MCM3AP: variants seen among roughly 807,000 people sequenced by gnomAD.
The protein encoded by MCM3AP is germinal-center associated nuclear protein.
In MCM3AP, 126 loss-of-function variants were observed where a neutral mutation model predicts 184.1. The observed-to-expected ratio is 0.68, with a 90% CI of 0.59 to 0.79. The LOEUF is 0.79. Among genes scored for constraint, MCM3AP ranks in the 30% least tolerant of loss-of-function variants. The pLI, the probability that MCM3AP is intolerant of heterozygous loss-of-function variation, is 0.00. For synonymous variants in MCM3AP, 1,002 were observed against 979.3 expected (o/e 1.02, Z -0.43); for missense variants, 2,496 against 2,479.2 (o/e 1.01, Z -0.14).
chr21:46,284,358 T>C lies in MCM3AP; in HGVS notation c.929A>G (p.Glu310Gly), dbSNP rs1206075101. 5 of 1,614,114 alleles carry C rather than the reference T, an allele frequency of 3.1e-6. No individual in the cohort carries two copies. In the Admixed American group the frequency reaches 6.7e-5, roughly 22 times the overall value. Reference protein sequence around the residue: ...SPRRHGHEPAEDSDPLSRGDH... With the variant: ...SPRRHGHEPAGDSDPLSRGDH... ...GCCCCGGGACAGAGGATCCGAATCT[T>C]CTGCTGGCTCGTGGCCATGTCTCCT... is the stretch of plus-strand genomic sequence containing the variant. The change falls in exon 1 of 28, where the codon GAA (glutamate) becomes GGA (glycine). Residue 310 changes from glutamate (E) to glycine (G), a missense_variant. Physicochemically the swap from Glu to Gly is moderately conservative, Grantham distance 98. Around this residue, in one of 5 missense-constraint regions of MCM3AP, gnomAD observed 800 missense variants for 717.1 expected, o/e 1.12. Transcript: ENST00000291688.
chr21:46,236,672 A>T (rs553608466), intron 27 of MCM3AP, among the ~76,000 whole-genome samples, 157 bp downstream of exon 27: 1 of 152,358 alleles, frequency 6.6e-6, no homozygotes, highest in Admixed American at 6.5e-5. Context: ...TCTCTTTAAC[A>T]ATGATATGGA....
At position 46,235,246 on chromosome 21, in the gene MCM3AP, C is replaced by T. The variant is rs2080497450; in HGVS notation, c.*22G>A. 6.2e-7 allele frequency: 1 copy of T among 1,612,092 alleles called. No homozygotes were observed. The highest frequency in any genetic ancestry group is 1.1e-5 in the South Asian group (1 of 90,952). ...AAACAGAAACTCTTCGGGAGAGACC[C>T]CCTCCCCACAGGTCAGGCTGCTCAA... is the stretch of plus-strand genomic sequence containing the variant. On this transcript the variant is annotated 3_prime_UTR_variant, in exon 28 of 28. Coordinates refer to ENST00000291688, the MANE Select transcript of MCM3AP (RefSeq NM_003906.5).
chr21:46,262,984 A>G (rs1275170465), intron 13 of MCM3AP, among the ~76,000 whole-genome samples: 1 of 149,670 alleles, frequency 6.7e-6, no homozygotes, highest in African/African-American at 2.5e-5. Context: ...AAAAAAAAAA[A>G]AAAAGAAATG....
At chr21:46,282,485 C>A (rs1240077585) in intron 2 of MCM3AP, among the ~76,000 whole-genome samples, 1 of 152,156 alleles carries the variant, frequency 6.6e-6, no homozygotes, top group African/African-American at 2.4e-5. Flanking sequence ...AAGCAGTCCA[C>A]GTTCACTGCA....
Position 46,259,031 on chromosome 21 carries a change from G to T in MCM3AP, c.3642C>A (p.Ala1214=), listed in dbSNP as rs1371517514. The T allele has an allele frequency of 6.2e-7, 1 of 1,614,060 alleles. No individual in the cohort carries two copies. Among genetic ancestry groups the T allele is most frequent in the South Asian group, 1.1e-5 (1 of 91,068 alleles). The change falls in exon 16 of 28, where the codon GCC becomes GCA. Residue 1214 remains alanine (A), a synonymous_variant. Coordinates refer to ENST00000291688, the MANE Select transcript of MCM3AP (RefSeq NM_003906.5). The part of the protein sequence containing the change: ...RVARCCEDVC[A]HLVDLFLVEE... ...CCACGAGAAACAAGTCCACTAAGTG[G>T]GCACAGACATCCTCACAGCAACGGG...
chr21:46,237,085 T>C, intron 26 of MCM3AP, 106 bp from the exon 27 acceptor site: 2 of 488,782 alleles, frequency 4.1e-6, no homozygotes, highest in African/African-American at 2.1e-5. Context: ...CTTTGCTTTT[T>C]TAAAATTTTA....
In MCM3AP at chr21:46,277,822, A is replaced by G. The variant is rs2081275470; in HGVS notation, c.1668-105T>C. The G allele has an allele frequency of 1.7e-5, 10 of 602,196 alleles. No homozygotes were observed. The South Asian group carries it at 2.5e-4, about 15-fold the overall frequency. 37.3% of individuals were successfully genotyped at this position (602,196 alleles called of 1,614,324 possible). A position where few individuals can be genotyped will look rare whatever the true frequency, so the allele number is the denominator to read the frequency against. ...ATCTTTCAAGATTTTCTGGTCCTCT[A>G]AAGCTGAGAAACTACAAGCACTGAA... On this transcript the variant is annotated intron_variant, in intron 4 of 27. Coordinates refer to ENST00000291688, the MANE Select transcript of MCM3AP (RefSeq NM_003906.5).
At chr21:46,266,484 G>A (rs2081114157) in intron 10 of MCM3AP, 1 of 270,870 alleles carries the variant, frequency 3.7e-6, no homozygotes. Context: ...CTGGAAGGAG[G>A]AGACAGGCAG....
intron 17 of MCM3AP, among the ~76,000 whole-genome samples, chr21:46,255,526 C>T (rs1008885254): frequency 2.6e-5 from 4 of 152,052 alleles, no homozygotes; most frequent in Non-Finnish European, 2.9e-5. Context: ...GCCATGCCCT[C>T]GGTGCTGGGT....
Position 46,265,342 on chromosome 21 carries a change from G to T in MCM3AP, c.3213C>A (p.Pro1071=), listed in dbSNP as rs376423908. Residue 1071 remains proline, a synonymous_variant, in exon 12 of 28, where the codon CCC becomes CCA. Coordinates refer to ENST00000291688, the MANE Select transcript of MCM3AP (RefSeq NM_003906.5). ...CTACCTCGTCAGAGTACATGGGCAC[G>T]GGCTCTGGAGGCGGTGGTTCAGGCT... is the stretch of plus-strand genomic sequence containing the variant. ...SVQPEPPPPE[P]VPMYSDEDLA... The T allele has an allele frequency of 6.2e-7, 1 of 1,613,972 alleles. No individual in the cohort carries two copies.
chr21:46,246,908 C>G, intron 20 of MCM3AP, 22 bp from the exon 21 acceptor site: 1 of 1,610,878 alleles, frequency 6.2e-7, no homozygotes, highest in Non-Finnish European at 8.5e-7. Flanking sequence ...TCAAGATCAT[C>G]AGGAGAGATG....
chr21:46,251,215 T>C (rs957157172), intron 20 of MCM3AP: 2 of 192,076 alleles, frequency 1.0e-5, no homozygotes, highest in Non-Finnish European at 2.1e-5. Flanking sequence ...CTTATCATCA[T>C]CTTTATACTT....
rs2081105866 is a variant in MCM3AP at position 46,265,933 on chromosome 21, T to A, written c.3023A>T (p.Asp1008Val). The change falls in exon 11 of 28, where the codon GAC becomes GTC. Residue 1008 changes from aspartate (D) to valine (V), a missense_variant. Physicochemically the swap from Asp to Val is radical, Grantham distance 152 (BLOSUM62 -3). Around this residue, in one of 5 missense-constraint regions of MCM3AP, gnomAD observed 1,323 missense variants for 1,273.4 expected, o/e 1.04. Transcript: ENST00000291688. ...ACTGCAGCTTCACTCACCCACTGTG[T>A]CGGAGCCGGGTCTCTGGGTGCTGAC... ...LPVSTQRPGSDTVGGGRGEEC... is the reference protein window; with the variant it reads ...LPVSTQRPGSVTVGGGRGEEC... 2 of 1,575,494 alleles carry A rather than the reference T, an allele frequency of 1.3e-6. No individual in the cohort carries two copies. The highest frequency in any genetic ancestry group is 2.7e-5 in the African/African-American group (2 of 74,376).
At chr21:46,276,741 T>TA (rs542029699) in intron 5 of MCM3AP, among the ~76,000 whole-genome samples, 5 of 41,586 alleles carry the variant, frequency 1.2e-4, no homozygotes, top group Non-Finnish European at 3.8e-4. Context: ...ACGCCCAGCA[T>TA]TTTTTTTTTT....
rs1268630879 is a variant in MCM3AP, at chr21:46,245,142, CA to C, written c.4702del (p.Cys1568AlafsTer94). Reference protein sequence around the residue: ...VSHCPHSLDLCCQTLIQYVED... With the variant: ...VSHCPHSLDLXCQTLIQYVED... ...GACGTACTGAATGAGAGTCTGGCAG[CA>C]GAGGTCAAGGGAATGGGGGCAGTGG... On this transcript the variant is annotated frameshift_variant, in exon 23 of 28. Transcript: ENST00000291688. LOFTEE classifies it high-confidence loss of function. The C allele has an allele frequency of 6.2e-7, 1 of 1,614,178 alleles. No individual in the cohort carries two copies. The highest frequency in any genetic ancestry group is 1.7e-5 in the Admixed American group (1 of 60,022).
At chr21:46,266,772 A>C in intron 10 of MCM3AP, 2 of 560,338 alleles carry the variant, frequency 3.6e-6, no homozygotes, top group Admixed American at 3.2e-5. Context: ...TGGAGTCACA[A>C]AGAACTTGGT....
chr21:46,243,071 T>G (rs1049634804), intron 24 of MCM3AP, 140 bp from the exon 25 acceptor site: 43 of 757,422 alleles, frequency 5.7e-5, no homozygotes, highest in Middle Eastern at 7.1e-4. Flanking sequence ...TTAAATTCAC[T>G]GATTTAAGTG....
intron 17 of MCM3AP, among the ~76,000 whole-genome samples, chr21:46,255,597 T>C (rs896291952): frequency 2.0e-5 from 3 of 151,990 alleles, no homozygotes; most frequent in Non-Finnish European, 4.4e-5. Context: ...CGGCATCCTA[T>C]GAGCAGGAAG....
intron 2 of MCM3AP, 127 bp from the exon 3 acceptor site, chr21:46,280,702 GAC>G: frequency 1.5e-6 from 1 of 649,270 alleles, no homozygotes; most frequent in Non-Finnish European, 2.8e-6. Flanking sequence ...TCCTTTGCAC[GAC>G]AGTGATTTCT....
Sources: gnomAD v4.1 joint callset for allele counts (sites outside exome capture counted in the v4.1 genomes callset) on GRCh38, gnomAD v4.1.1 for gene constraint, gnomAD v4.1.1 regional missense constraint, MANE v1.5 for transcripts, NCBI Gene and HGNC (gene_info 2026-07-23, HGNC 2026-07-21) for gene names.